Variants in SLC8A1 observed in about 807,000 individuals in gnomAD.
The protein encoded by SLC8A1 is solute carrier family 8 member A1, also known as sodium/calcium exchanger 1.
Under a neutral mutation model 68.3 loss-of-function variants are expected in SLC8A1, and 18 were observed. That is an observed-to-expected ratio of 0.26 (90% CI 0.18 to 0.39). The LOEUF is 0.39. Among genes scored for constraint, SLC8A1 ranks in the 10% least tolerant of loss-of-function variants. SLC8A1 has a pLI of 1.00. For missense variants in SLC8A1, 985 were observed against 1,156.7 expected, an observed-to-expected ratio of 0.85 and a Z score of 2.15; for synonymous variants, 475 against 415.5, an observed-to-expected ratio of 1.14 and a Z score of -1.74.
At position 40,145,476 on chromosome 2, in the gene SLC8A1, C is replaced by T. The variant is rs568855512; in HGVS notation, c.2162-5800G>A. Among the ~76,000 whole-genome samples, 4 of 152,284 alleles carry T rather than the reference C, an allele frequency of 2.6e-5. No homozygotes were observed. The South Asian group carries it at 6.2e-4, about 24-fold the overall frequency. On this transcript the variant is annotated intron_variant, in intron 6 of 7. Coordinates refer to ENST00000406785, the Ensembl canonical transcript of SLC8A1. ...GAAAATGTATGCTGCTGTTCATCTG[C>T]GGATGTGTCTGACTTTCGATTCTTT... is the stretch of plus-strand genomic sequence containing the variant.
At chr2:40,401,642 A>T (rs1688788994) in intron 2 of SLC8A1, among the ~76,000 whole-genome samples, 1 of 81,952 alleles carries the variant, frequency 1.2e-5, no homozygotes, top group African/African-American at 6.5e-5. Flanking sequence ...TGTCACATTA[A>T]GTGAAAAAAA....
At chr2:40,317,198 C>T (rs2074577644) in intron 2 of SLC8A1, among the ~76,000 whole-genome samples, 1 of 152,020 alleles carries the variant, frequency 6.6e-6, no homozygotes. Context: ...AGCAGAGATA[C>T]TGTTTTCTCA....
intron 1 of SLC8A1, among the ~76,000 whole-genome samples, chr2:40,475,117 T>C (rs1406467555): frequency 3.3e-5 from 5 of 151,842 alleles, no homozygotes; most frequent in Non-Finnish European, 5.9e-5. Flanking sequence ...CTTTCTGCTA[T>C]AAAAATTATT....
At chr2:40,313,030 T>C (rs1348686831) in intron 2 of SLC8A1, among the ~76,000 whole-genome samples, 1 of 152,118 alleles carries the variant, frequency 6.6e-6, no homozygotes, top group Non-Finnish European at 1.5e-5. Flanking sequence ...CACACACATA[T>C]ATATGTACCT....
chr2:40,368,197 T>G (rs1231281467), intron 2 of SLC8A1, among the ~76,000 whole-genome samples: 3 of 152,082 alleles, frequency 2.0e-5, no homozygotes, highest in Non-Finnish European at 4.4e-5. Flanking sequence ...GGTTTGATGG[T>G]GAACCAGTTA....
chr2:40,431,351 T>A (rs1698249803), intron 1 of SLC8A1, among the ~76,000 whole-genome samples: 1 of 152,048 alleles, frequency 6.6e-6, no homozygotes, highest in African/African-American at 2.4e-5. Flanking sequence ...TCCATTTAAA[T>A]TAGCTCATGT....
At chr2:40,241,848 G>T (rs1236624642) in intron 2 of SLC8A1, among the ~76,000 whole-genome samples, 1 of 151,370 alleles carries the variant, frequency 6.6e-6, no homozygotes, top group Non-Finnish European at 1.5e-5. Flanking sequence ...AGTAAGATCA[G>T]ATTTATCAAC....
chr2:40,350,235 A>T (rs573706805), intron 2 of SLC8A1, among the ~76,000 whole-genome samples: 14 of 152,266 alleles, frequency 9.2e-5, no homozygotes, highest in Middle Eastern at 3.4e-3. Flanking sequence ...CAATCCCAGC[A>T]CTTTGGGAGG....
intron 2 of SLC8A1, among the ~76,000 whole-genome samples, chr2:40,407,576 C>T (rs946587990): frequency 2.6e-5 from 4 of 152,068 alleles, no homozygotes; most frequent in African/African-American, 9.7e-5. Flanking sequence ...CCTTCCACAC[C>T]AACAGGTCCT....
intron 1 of SLC8A1, among the ~76,000 whole-genome samples, chr2:40,470,448 A>G (rs1703934081): frequency 6.6e-6 from 1 of 152,050 alleles, no homozygotes; most frequent in Non-Finnish European, 1.5e-5. Flanking sequence ...ATAAATGTCC[A>G]ACACTAGGCT....
rs149842701 is a variant in SLC8A1, at chr2:40,138,656, C to T, written c.2437+745G>A. ...GATCTTCCAGAGGTTGTTGATGGTT[C>T]TTAGGGATTTGTATTTCTTAACAAG... On this transcript the variant is annotated intron_variant, in intron 7 of 7. Coordinates refer to ENST00000406785, the Ensembl canonical transcript of SLC8A1. 8.5e-4 allele frequency among the ~76,000 whole-genome samples: 129 copies of T among 152,258 alleles called. 1 individual carries two copies. The highest frequency in any genetic ancestry group is 2.9e-3 in the African/African-American group (122 of 41,552).
chr2:40,263,234 A>G (rs980834594), intron 2 of SLC8A1, among the ~76,000 whole-genome samples: 9 of 152,218 alleles, frequency 5.9e-5, no homozygotes, highest in Non-Finnish European at 1.3e-4. Flanking sequence ...GAATGGCAAT[A>G]ATAATGGCCA....
At chr2:40,373,588 C>A (rs1271328391) in intron 2 of SLC8A1, among the ~76,000 whole-genome samples, 2 of 151,944 alleles carry the variant, frequency 1.3e-5, no homozygotes, top group African/African-American at 4.8e-5. Flanking sequence ...CCCTATTTAG[C>A]CTGCCGAACA....
At chr2:40,258,823 C>A (rs994362858) in intron 2 of SLC8A1, among the ~76,000 whole-genome samples, 2 of 151,416 alleles carry the variant, frequency 1.3e-5, no homozygotes, top group Non-Finnish European at 2.9e-5. Flanking sequence ...GCCTGGGCAA[C>A]AGAGTGAGAC....
At chr2:40,493,998 A>G (rs1323104560) in intron 1 of SLC8A1, among the ~76,000 whole-genome samples, 1 of 150,484 alleles carries the variant, frequency 6.6e-6, no homozygotes. Flanking sequence ...TCAAATATTA[A>G]TACAACTTGG....
intron 2 of SLC8A1, among the ~76,000 whole-genome samples, chr2:40,320,916 A>G (rs555354072): frequency 3.0e-4 from 46 of 152,210 alleles, no homozygotes; most frequent in African/African-American, 1.0e-3. Context: ...AGTTACCCAC[A>G]GTTTTTATCC....
chr2:40,241,791 G>A (rs2061256984), intron 2 of SLC8A1, among the ~76,000 whole-genome samples: 1 of 152,028 alleles, frequency 6.6e-6, no homozygotes, highest in Admixed American at 6.5e-5. Flanking sequence ...TAGCCCCTAA[G>A]GACTATGAGC....
exon 8 of SLC8A1, chr2:40,115,109 G>A (rs190612619): frequency 1.1e-5 from 6 of 522,280 alleles, no homozygotes; most frequent in East Asian, 8.0e-5. Context: ...TTTTTACTTC[G>A]GCCCTAGTAC....
At chr2:40,184,652 C>T (rs1304725580) in intron 2 of SLC8A1, among the ~76,000 whole-genome samples, 2 of 152,064 alleles carry the variant, frequency 1.3e-5, no homozygotes. Flanking sequence ...GACAGTAATG[C>T]CTCATGTCCC....
Sources: allele counts gnomAD v4.1 joint callset (sites outside exome capture counted in the v4.1 genomes callset), GRCh38; gene constraint gnomAD v4.1.1; transcripts MANE v1.5; gene names NCBI Gene and HGNC (gene_info 2026-07-23, HGNC 2026-07-21).